The following POLR3E variants were observed in gnomAD, a reference collection of about 807,000 sequenced individuals.
The protein encoded by POLR3E is DNA-directed RNA polymerase III subunit RPC5.
Under a neutral mutation model 96.6 loss-of-function variants are expected in POLR3E, and 41 were observed. That is an observed-to-expected ratio of 0.42 (90% CI 0.33 to 0.55). POLR3E has a LOEUF of 0.55. POLR3E is among the 20% of genes least tolerant of loss of function. POLR3E has a pLI of 0.06. For synonymous variants in POLR3E, 396 were observed against 383.6 expected (o/e 1.03, Z -0.38); for missense variants, 849 against 952.1 (o/e 0.89, Z 1.43).
intron 6 of POLR3E, chr16:22,309,877 A>C: frequency 4.0e-6 from 1 of 251,410 alleles, no homozygotes; most frequent in Non-Finnish European, 7.9e-6. Context: ...AGAAATGAAA[A>C]CATGTGTCCA....
At chr16:22,323,734 C>T (rs184089111) in intron 14 of POLR3E, among the ~76,000 whole-genome samples, 365 of 152,300 alleles carry the variant, frequency 2.4e-3, no homozygotes, top group African/African-American at 8.4e-3. Context: ...GTGCCGTTTG[C>T]CCCCAGCTGC....
intron 19 of POLR3E, 22 bp from the exon 20 acceptor site, chr16:22,332,038 T>A (rs756930323): frequency 1.2e-6 from 2 of 1,611,606 alleles, no homozygotes; most frequent in Non-Finnish European, 1.7e-6. Flanking sequence ...TTTCCCATCA[T>A]AACGTGTTTT....
intron 1 of POLR3E, chr16:22,302,410 A>C (rs74984911): frequency 6.3e-6 from 1 of 159,510 alleles, no homozygotes; most frequent in Non-Finnish European, 1.4e-5. Flanking sequence ...AGAGTGTGTG[A>C]AGAGGTCATT....
intron 2 of POLR3E, among the ~76,000 whole-genome samples, chr16:22,303,611 G>A (rs925554194): frequency 6.7e-6 from 1 of 149,048 alleles, no homozygotes; most frequent in Non-Finnish European, 1.5e-5. Context: ...AGGAGTCTCC[G>A]GGTACAGGCA....
rs890763479 is a variant in POLR3E, at chr16:22,324,392, A to G, written c.1107A>G (p.Lys369=). 5.0e-5 allele frequency: 81 copies of G among 1,612,586 alleles called. No individual in the cohort carries two copies. Among genetic ancestry groups the G allele is most frequent in the Non-Finnish European group, 6.9e-5 (81 of 1,179,534 alleles). The change falls in exon 15 of 21, where the codon AAA becomes AAG. Residue 369 remains lysine (K), a synonymous_variant. Transcript: ENST00000299853. ...CGCAGAGCCGCTGGGTGGTTAGGAA[A>G]GAGGTGGCAACCGTGACCAAAGTAA... The part of the protein sequence containing the change: ...KFTQSRWVVR[K]EVATVTKLCA...
At position 22,317,166 on chromosome 16, in the gene POLR3E, G is replaced by C; in HGVS notation, c.825G>C (p.Thr275=). 6.2e-7 allele frequency: 1 copy of C among 1,613,710 alleles called. No individual in the cohort carries two copies. Among genetic ancestry groups the C allele is most frequent in the Non-Finnish European group, 8.5e-7 (1 of 1,179,976 alleles). Residue 275 remains threonine, a synonymous_variant, in exon 12 of 21, where the codon ACG becomes ACC. Transcript: ENST00000299853. The stretch of plus-strand genomic sequence containing the variant: ...TCCTGTCGATGGCCCAGCTGCGCAC[G>C]CTGCCCCTGGCCGATCAGATCAAGA... ...SNVLSMAQLR[T]LPLADQIKIL...
chr16:22,330,664 T>C (rs953926995), intron 19 of POLR3E, among the ~76,000 whole-genome samples: 13 of 152,236 alleles, frequency 8.5e-5, no homozygotes, highest in African/African-American at 3.1e-4. Flanking sequence ...TGCTTCTTCC[T>C]TGCTTTAGCT....
chr16:22,313,320 G>A lies in POLR3E; in HGVS notation c.365-300G>A, dbSNP rs78468743. The stretch of plus-strand genomic sequence containing the variant: ...GATTAGCTGCCTAGTGTTGCAAAGC[G>A]AGCAGCTGGGGAGAGGGGCGTGGAA... On this transcript the variant is annotated intron_variant, in intron 6 of 20. Coordinates refer to ENST00000299853, the MANE Select transcript of POLR3E (RefSeq NM_018119.4). This position sits in a 1 kb window ranked among gnomAD's most constrained non-coding sequence, Gnocchi z 4.1. 0.016 allele frequency among the ~76,000 whole-genome samples: 2,476 copies of A among 152,294 alleles called. 93 individuals are homozygous for A. The highest frequency in any genetic ancestry group is 0.1 in the East Asian group (541 of 5,178).
intron 20 of POLR3E, among the ~76,000 whole-genome samples, chr16:22,332,809 A>C (rs1404455364): frequency 6.6e-6 from 1 of 152,020 alleles, no homozygotes; most frequent in Non-Finnish European, 1.5e-5. Flanking sequence ...TTCTGAAGTG[A>C]CTGTAGTACA....
Position 22,302,914 on chromosome 16 carries a change from C to T in POLR3E, c.-38-17C>T, listed in dbSNP as rs1425291396. The T allele has an allele frequency of 6.5e-7, 1 of 1,546,772 alleles. No homozygotes were observed. Among genetic ancestry groups the T allele is most frequent in the Admixed American group, 1.7e-5 (1 of 59,934 alleles). ...GTTGAACGACTGATGGTCCCAGTCT[C>T]TCGCCCTCCTTTGCAGATCGAGCTG... is the stretch of plus-strand genomic sequence containing the variant. On this transcript the variant is annotated splice_polypyrimidine_tract_variant and intron_variant, in intron 1 of 20. Coordinates refer to ENST00000299853, the MANE Select transcript of POLR3E (RefSeq NM_018119.4).
chr16:22,301,696 C>A (rs187575289), intron 1 of POLR3E, among the ~76,000 whole-genome samples: 1 of 152,256 alleles, frequency 6.6e-6, no homozygotes, highest in African/African-American at 2.4e-5. Context: ...GAAACCAAGG[C>A]GGGCAGATCA....
At position 22,334,160 on chromosome 16, in the gene POLR3E, G is replaced by A. The variant is rs977869240; in HGVS notation, c.*460G>A. 6 of 153,784 alleles carry A rather than the reference G, an allele frequency of 3.9e-5. No homozygotes were observed. The highest frequency in any genetic ancestry group is 6.5e-5 in the Admixed American group (1 of 15,386). The allele number at this position is 153,784 out of a possible 1,614,324, so 9.5% of individuals were successfully genotyped here. A position where few individuals can be genotyped will look rare whatever the true frequency, so the allele number is the denominator to read the frequency against. ...ATATTTAGTCTTGGATTATCTATCT[G>A]CTAAGACCTCCACCAATTTCATTAA... On this transcript the variant is annotated 3_prime_UTR_variant, in exon 21 of 21. Transcript: ENST00000299853.
intron 14 of POLR3E, among the ~76,000 whole-genome samples, chr16:22,323,291 C>T (rs921846571): frequency 6.6e-6 from 1 of 152,170 alleles, no homozygotes; most frequent in African/African-American, 2.4e-5. Context: ...GACTCCCTGA[C>T]ACCCCTGGGG....
intron 6 of POLR3E, chr16:22,309,886 C>T (rs1273733417): frequency 1.2e-5 from 3 of 241,746 alleles, no homozygotes. Flanking sequence ...AACATGTGTC[C>T]ACACAAAACC....
rs371057606 is a variant in POLR3E at position 22,315,106 on chromosome 16, G to A, written c.540G>A (p.Pro180=). The A allele has an allele frequency of 9.9e-6, 16 of 1,613,308 alleles. No individual in the cohort carries two copies. The highest frequency in any genetic ancestry group is 4.0e-5 in the African/African-American group (3 of 74,924). ...VKQITVRFSR[P]ESEQARQRRV... is the part of the protein sequence containing the mutation. ...CACCGCAGGTGCGGTTCTCCCGGCC[G>A]GAGTCAGAGCAGGCCCGCCAGCGCC... The change falls in exon 9 of 21, where the codon CCG becomes CCA. Residue 180 remains proline (P), a synonymous_variant. Coordinates refer to ENST00000299853, the MANE Select transcript of POLR3E (RefSeq NM_018119.4).
In POLR3E at chr16:22,305,216, G is replaced by A. The variant is rs2048110373; in HGVS notation, c.87+10G>A. On this transcript the variant is annotated intron_variant, in intron 3 of 20. Coordinates refer to ENST00000299853, the MANE Select transcript of POLR3E (RefSeq NM_018119.4). ...GCTGTATCTATTTCAGGTAATTATG[G>A]GACTTGAAGGTAAAGAGGGGAGAAG... The A allele has an allele frequency of 6.3e-7, 1 of 1,598,134 alleles. No individual in the cohort carries two copies. Among genetic ancestry groups the A allele is most frequent in the Non-Finnish European group, 8.6e-7 (1 of 1,165,610 alleles).
Position 22,326,191 on chromosome 16 carries a change from C to G in POLR3E, c.1779C>G (p.Pro593=). 1 of 1,614,026 alleles carries G rather than the reference C, an allele frequency of 6.2e-7. No homozygotes were observed. The highest frequency in any genetic ancestry group is 8.5e-7 in the Non-Finnish European group (1 of 1,180,000). The change falls in exon 18 of 21, where the codon CCC becomes CCG. Residue 593 remains proline (P), a synonymous_variant. Coordinates refer to ENST00000299853, the MANE Select transcript of POLR3E (RefSeq NM_018119.4). ...RLFNLHLASL[P]PGHTLFSGIS... is the part of the protein sequence containing the mutation. ...TCAATCTGCACTTGGCCAGCCTGCC[C>G]CCCGGCCACACACTCTTCAGCGGCA...
At position 22,305,193 on chromosome 16, in the gene POLR3E, T is replaced by C; in HGVS notation, c.74T>C (p.Leu25Pro). Reference sequence around the variant, plus strand: ...TTGGCCAAGAGTCTGGCGGAAAAGCTGTATCTATTTCAGGTAATTATGGGA... The same window carrying C: ...TTGGCCAAGAGTCTGGCGGAAAAGCCGTATCTATTTCAGGTAATTATGGGA... ...VYLAKSLAEK[L>P]YLFQYPVRPA... Residue 25 changes from leucine to proline, a missense_variant, in exon 3 of 21, where the codon CTG becomes CCG. Physicochemically the swap from Leu to Pro is moderately conservative, Grantham distance 98. Transcript: ENST00000299853. The C allele has an allele frequency of 6.2e-7, 1 of 1,612,194 alleles. No homozygotes were observed. Among genetic ancestry groups the C allele is most frequent in the Non-Finnish European group, 8.5e-7 (1 of 1,178,352 alleles).
Position 22,317,126 on chromosome 16 carries a change from T to C in POLR3E, c.785T>C (p.Val262Ala). The change falls in exon 12 of 21, where the codon GTG (valine) becomes GCG (alanine). Residue 262 changes from valine (V) to alanine (A), a missense_variant. Val to Ala is a moderately conservative substitution (Grantham distance 64). Transcript: ENST00000299853. ...PSQEEEKDKP[V>A]APSNVLSMAQ... ...TCTGCTTTTCCCAGAGACAAGCCTG[T>C]GGCCCCCAGCAACGTCCTGTCGATG... is the stretch of plus-strand genomic sequence containing the variant. 1 of 1,614,158 alleles carries C rather than the reference T, an allele frequency of 6.2e-7. No homozygotes were observed. The highest frequency in any genetic ancestry group is 8.5e-7 in the Non-Finnish European group (1 of 1,179,994).
Sources: gnomAD v4.1 joint callset for allele counts (sites outside exome capture counted in the v4.1 genomes callset) on GRCh38, gnomAD v4.1.1 for gene constraint, Gnocchi (gnomAD v3.1) non-coding constraint, MANE v1.5 for transcripts, NCBI Gene and HGNC (gene_info 2026-07-23, HGNC 2026-07-21) for gene names.